The following ARMC8 variants were observed in gnomAD, a reference collection of about 807,000 sequenced individuals.
ARMC8 encodes the protein armadillo repeat containing 8, also known as armadillo repeat-containing protein 8.
Under a neutral mutation model 99.3 loss-of-function variants are expected in ARMC8, and 20 were observed. The ratio of observed to expected loss-of-function variants is 0.20; its 90% CI spans 0.14 to 0.29. ARMC8 has a LOEUF of 0.29. ARMC8 is among the 10% of genes least tolerant of loss of function. The probability of loss-of-function intolerance (pLI) is 1.00; values close to 1 mark genes in which losing one functional copy is unlikely to be tolerated. For missense variants in ARMC8, 569 were observed against 809.5 expected (o/e 0.70, Z 3.60); for synonymous variants, 263 against 278.3 (o/e 0.95, Z 0.55).
intron 18 of ARMC8, among the ~76,000 whole-genome samples, chr3:138,276,148 T>C (rs557717423): frequency 2.0e-5 from 3 of 152,318 alleles, no homozygotes; most frequent in Admixed American, 2.0e-4. Flanking sequence ...ACAAAGGAAC[T>C]TTCTCATACA....
intron 12 of ARMC8, among the ~76,000 whole-genome samples, chr3:138,252,476 C>T (rs1435092169): frequency 1.4e-4 from 19 of 134,664 alleles, no homozygotes; most frequent in Admixed American, 1.2e-3. Flanking sequence ...TTTTTTGAGA[C>T]GGGGTCTCGC....
rs575665093 is a variant in ARMC8, at chr3:138,289,670, C to T, written c.1894+550C>T. On this transcript the variant is annotated intron_variant, in intron 20 of 21. Transcript: ENST00000469044. ...CCAGGCCAATTAAATCAGAATCTCT[C>T]GGGGTGGGCTCCAGGCATAAGTGGT... Among the ~76,000 whole-genome samples the T allele has an allele frequency of 8.5e-5, 13 of 152,152 alleles. No homozygotes were observed. The South Asian group carries it at 1.0e-3, about 12-fold the overall frequency.
At chr3:138,265,947 G>A (rs768720031) in intron 14 of ARMC8, among the ~76,000 whole-genome samples, 2 of 152,164 alleles carry the variant, frequency 1.3e-5, no homozygotes, top group African/African-American at 4.8e-5. Flanking sequence ...TCAGTGGAAG[G>A]AATGATAGAT....
chr3:138,292,232 G>A (rs1416942024), intron 21 of ARMC8, among the ~76,000 whole-genome samples: 2 of 152,094 alleles, frequency 1.3e-5, no homozygotes, highest in African/African-American at 4.8e-5. Context: ...TAGAGACAGG[G>A]TTTTACCATG....
At chr3:138,230,092 T>G (rs1576689638) in intron 6 of ARMC8, among the ~76,000 whole-genome samples, 2 of 152,218 alleles carry the variant, frequency 1.3e-5, no homozygotes, top group East Asian at 3.9e-4. Flanking sequence ...ATTTAAGATT[T>G]TTGTGAAAAA....
intron 6 of ARMC8, among the ~76,000 whole-genome samples, chr3:138,233,090 TCAC>T (rs1042209113): frequency 6.6e-6 from 1 of 152,228 alleles, no homozygotes; most frequent in African/African-American, 2.4e-5. Context: ...ACTTCAGTCT[TCAC>T]CACTGTGTTT....
At chr3:138,229,429 T>TAA (rs1291450429) in intron 6 of ARMC8, among the ~76,000 whole-genome samples, 3 of 151,208 alleles carry the variant, frequency 2.0e-5, no homozygotes, top group Non-Finnish European at 4.4e-5. Context: ...TTTCCAGTCT[T>TAA]ATGCTATTAC....
chr3:138,218,593 A>G (rs1454474794), intron 2 of ARMC8, among the ~76,000 whole-genome samples: 2 of 152,202 alleles, frequency 1.3e-5, no homozygotes, highest in Non-Finnish European at 2.9e-5. Flanking sequence ...ATTGCCTCAA[A>G]ACCTTTTAAG....
chr3:138,250,266 A>G (rs186199463), intron 12 of ARMC8, among the ~76,000 whole-genome samples: 2 of 152,298 alleles, frequency 1.3e-5, no homozygotes, highest in Admixed American at 6.5e-5. Context: ...TGTCTGCCAC[A>G]TAATAGGTGC....
chr3:138,247,181 A>G (rs1288313399), intron 12 of ARMC8, among the ~76,000 whole-genome samples: 1 of 152,150 alleles, frequency 6.6e-6, no homozygotes, highest in Non-Finnish European at 1.5e-5. Flanking sequence ...TGTTGAAATA[A>G]TTATTTGGGT....
intron 1 of ARMC8, 67 bp downstream of exon 1, chr3:138,187,666 C>T (rs2043138352): frequency 6.6e-7 from 1 of 1,505,528 alleles, no homozygotes. Context: ...CACCATTCCC[C>T]CAAGCGTGGT....
rs759475910 is a variant in ARMC8, at chr3:138,223,524, A to C, written c.330A>C (p.Leu110Phe). The C allele has an allele frequency of 2.6e-5, 42 of 1,614,054 alleles. No individual in the cohort carries two copies. Among genetic ancestry groups the C allele is most frequent in the Non-Finnish European group, 3.4e-5 (40 of 1,180,034 alleles). ...TGGACTGCCATATTATCCCTGCCTT[A>C]TTGCAAGGTATGTAGGGAAGCCATT... ...SLLDCHIIPA[L>F]LQGLLSPDLK... is the part of the protein sequence containing the mutation. Residue 110 changes from leucine (L) to phenylalanine (F), a missense_variant, in exon 4 of 22, where the codon TTA becomes TTC. Physicochemically the swap from Leu to Phe is conservative, Grantham distance 22 (BLOSUM62 0). Transcript: ENST00000469044.
At chr3:138,246,607 T>C (rs544177948) in intron 12 of ARMC8, 1 of 985,728 alleles carries the variant, frequency 1.0e-6, no homozygotes, top group East Asian at 1.1e-4. Context: ...CTTAAAGCTC[T>C]AAAAAACCAT....
chr3:138,237,509 A>G lies in ARMC8; in HGVS notation c.713A>G (p.Gln238Arg), dbSNP rs200890393. The change falls in exon 9 of 22, where the codon CAG (glutamine) becomes CGG (arginine). Residue 238 changes from glutamine (Q) to arginine (R), a missense_variant. Coordinates refer to ENST00000469044, the MANE Select transcript of ARMC8 (RefSeq NM_001363941.2). The stretch of plus-strand genomic sequence containing the variant: ...TTGGTTGATGGAGAATTGTTACCAC[A>G]GATTTTTGTGAAGATGTTACAGAGG... ...NVLVDGELLP[Q>R]IFVKMLQRDK... 1.9e-6 allele frequency: 3 copies of G among 1,613,978 alleles called. No individual in the cohort carries two copies. Among genetic ancestry groups the G allele is most frequent in the Non-Finnish European group, 2.5e-6 (3 of 1,179,986 alleles).
chr3:138,273,629 G>A (rs916437827), intron 17 of ARMC8, among the ~76,000 whole-genome samples: 2 of 152,262 alleles, frequency 1.3e-5, no homozygotes, highest in Middle Eastern at 3.4e-3. Context: ...ACCTCTCAAT[G>A]TTCTCTAATG....
intron 5 of ARMC8, 77 bp downstream of exon 5, chr3:138,223,810 C>A: frequency 8.3e-7 from 1 of 1,199,726 alleles, no homozygotes; most frequent in South Asian, 1.2e-5. Flanking sequence ...CATCTTCAGA[C>A]TCATCATAAC....
chr3:138,241,793 G>T lies in ARMC8; in HGVS notation c.848G>T (p.Cys283Phe), dbSNP rs763003837. 3.1e-6 allele frequency: 5 copies of T among 1,613,760 alleles called. No individual in the cohort carries two copies. The highest frequency in any genetic ancestry group is 4.2e-6 in the Non-Finnish European group (5 of 1,179,926). The change falls in exon 11 of 22, where the codon TGT becomes TTT. Residue 283 changes from cysteine to phenylalanine, a missense_variant. Cys to Phe is a radical substitution (Grantham distance 205, BLOSUM62 -2). Around this residue, in one of 2 missense-constraint regions of ARMC8, gnomAD observed 342 missense variants for 391.6 expected, o/e 0.87. Transcript: ENST00000469044. ...CTCACTACCTTTCAGACATTACCTT[G>T]TTTGGTTCGAATGTGCAGTAAGGAG... The part of the protein sequence containing the change: ...DNCIVLKTLP[C>F]LVRMCSKERL...
intron 17 of ARMC8, 27 bp from the exon 18 acceptor site, chr3:138,274,422 A>G (rs369825555): frequency 1.1e-5 from 16 of 1,444,058 alleles, no homozygotes; most frequent in Non-Finnish European, 1.4e-5. Context: ...TTTCTTTGAT[A>G]ATTATGGATT....
At chr3:138,195,384 TGA>T (rs1331242818) in intron 1 of ARMC8, among the ~76,000 whole-genome samples, 1 of 151,834 alleles carries the variant, frequency 6.6e-6, no homozygotes, top group Admixed American at 6.6e-5. Context: ...GTGTGAAAAA[TGA>T]GAGGTGCTCA....
Sources: gnomAD v4.1 joint callset for allele counts (sites outside exome capture counted in the v4.1 genomes callset) on GRCh38, gnomAD v4.1.1 for gene constraint, gnomAD v4.1.1 regional missense constraint, MANE v1.5 for transcripts, NCBI Gene and HGNC (gene_info 2026-07-23, HGNC 2026-07-21) for gene names.